Variants in CMTM6 observed in about 807,000 individuals in gnomAD.
CMTM6 encodes CKLF like MARVEL transmembrane domain containing 6.
Under a neutral mutation model 13.6 loss-of-function variants are expected in CMTM6, and 5 were observed. That is an observed-to-expected ratio of 0.37 (90% CI 0.19 to 0.77). CMTM6 has a LOEUF of 0.77. Ranked by LOEUF, CMTM6 falls within the 30% of genes least tolerant of loss-of-function variation. The pLI, the probability that CMTM6 is intolerant of heterozygous loss-of-function variation, is 0.50. For synonymous variants in CMTM6, 99 were observed against 84.5 expected (o/e 1.17, Z -0.94); for missense variants, 196 against 218.6 (o/e 0.90, Z 0.65).
In CMTM6 at chr3:32,483,912, C is replaced by T; in HGVS notation, c.*48G>A. The T allele has an allele frequency of 6.8e-7, 1 of 1,476,116 alleles. No homozygotes were observed. The highest frequency in any genetic ancestry group is 2.4e-5 in the East Asian group (1 of 40,942). 91.4% of individuals were successfully genotyped at this position (1,476,116 alleles called of 1,614,324 possible). A position where few individuals can be genotyped will look rare whatever the true frequency, so the allele number is the denominator to read the frequency against. Reference sequence around the variant, plus strand: ...AAGAGCTTCTGCCAGGGCTCAGGCACCACAATGCAGGGTCACTACCTTAGG... The same window carrying T: ...AAGAGCTTCTGCCAGGGCTCAGGCATCACAATGCAGGGTCACTACCTTAGG... On this transcript the variant is annotated 3_prime_UTR_variant, in exon 4 of 4. Transcript: ENST00000205636.
chr3:32,485,528 T>G (rs185457427), intron 3 of CMTM6, among the ~76,000 whole-genome samples: 35 of 152,284 alleles, frequency 2.3e-4, no homozygotes, highest in Admixed American at 1.5e-3. Flanking sequence ...CTTTTTAAAA[T>G]TAAAAATGAG....
intron 3 of CMTM6, among the ~76,000 whole-genome samples, chr3:32,484,813 G>A (rs1352954776): frequency 6.6e-6 from 1 of 151,570 alleles, no homozygotes; most frequent in African/African-American, 2.4e-5. Context: ...TGTAGGTGAT[G>A]GCTAAAGTCT....
At chr3:32,491,935 A>G (rs1231735712) in intron 1 of CMTM6, 49 bp from the exon 2 acceptor site, 2 of 1,464,154 alleles carry the variant, frequency 1.4e-6, no homozygotes. Context: ...CAGAGAATCT[A>G]CAGTATTTAG....
At position 32,491,761 on chromosome 3, in the gene CMTM6, C is replaced by T. The variant is rs755170049; in HGVS notation, c.264G>A (p.Val88=). The T allele has an allele frequency of 1.1e-5, 18 of 1,611,572 alleles. No individual in the cohort carries two copies. The African/African-American group carries it at 2.3e-4, about 20-fold the overall frequency. ...CTCTCTCATAAAATGGAGTGCAATA[C>T]ACAATCAGTATAAGGAGACTCAGAA... ...AFLLSLLILI[V]YCTPFYERVD... is the part of the protein sequence containing the mutation. Residue 88 remains valine, a synonymous_variant, in exon 2 of 4, where the codon GTG becomes GTA. Coordinates refer to ENST00000205636, the MANE Select transcript of CMTM6 (RefSeq NM_017801.3).
chr3:32,482,167 A>G lies in CMTM6; in HGVS notation c.*1793T>C, dbSNP rs1486613731. ...GACATGCCCAATAAAAACAGCATCC[A>G]TGATTGGTTTCATTATCTCCCAATT... On this transcript the variant is annotated 3_prime_UTR_variant, in exon 4 of 4. Coordinates refer to ENST00000205636, the MANE Select transcript of CMTM6 (RefSeq NM_017801.3). 1 of 152,222 alleles carries G rather than the reference A, an allele frequency of 6.6e-6. No homozygotes were observed. The highest frequency in any genetic ancestry group is 1.9e-4 in the East Asian group (1 of 5,198). 9.4% of individuals were successfully genotyped at this position (152,222 alleles called of 1,614,324 possible). A position where few individuals can be genotyped will look rare whatever the true frequency, so the allele number is the denominator to read the frequency against.
rs377136441 is a variant in CMTM6, at chr3:32,486,068, A to G, written c.414+1870T>C. ...AAGTTTTGTATTTTTAGTAGAGACA[A>G]GCTTTCACTATATTGGCCAAGCTGG... On this transcript the variant is annotated intron_variant, in intron 3 of 3. Coordinates refer to ENST00000205636, the MANE Select transcript of CMTM6 (RefSeq NM_017801.3). Among the ~76,000 whole-genome samples, 53 of 152,212 alleles carry G rather than the reference A, an allele frequency of 3.5e-4. 1 individual carries two copies. The South Asian group carries it at 0.011, about 30-fold the overall frequency.
At chr3:32,486,223 C>A (rs1222159020) in intron 3 of CMTM6, among the ~76,000 whole-genome samples, 1 of 152,198 alleles carries the variant, frequency 6.6e-6, no homozygotes, top group Non-Finnish European at 1.5e-5. Flanking sequence ...TAATTGGAAA[C>A]CAGCTGACTT....
intron 1 of CMTM6, among the ~76,000 whole-genome samples, chr3:32,492,267 A>G (rs1431773352): frequency 6.6e-6 from 1 of 152,212 alleles, no homozygotes; most frequent in African/African-American, 2.4e-5. Flanking sequence ...GCAGAGAAGC[A>G]GTATATAGAA....
At position 32,502,677 on chromosome 3, in the gene CMTM6, G is replaced by A. The variant is rs926656879; in HGVS notation, c.69C>T (p.Ser23=). 2 of 1,588,044 alleles carry A rather than the reference G, an allele frequency of 1.3e-6. No homozygotes were observed. Among genetic ancestry groups the A allele is most frequent in the Non-Finnish European group, 1.7e-6 (2 of 1,169,350 alleles). The change falls in exon 1 of 4, where the codon AGC becomes AGT. Residue 23 remains serine, a synonymous_variant. Coordinates refer to ENST00000205636, the MANE Select transcript of CMTM6 (RefSeq NM_017801.3). ...EDPGPARGPR[S]GLAAYFFMGR... is the part of the protein sequence containing the mutation. ...CCATGAAAAAGTAGGCAGCGAGGCC[G>A]CTCCGGGGGCCTCTGGCGGGGCCCG...
At chr3:32,502,271 G>GC (rs1373136218) in intron 1 of CMTM6, among the ~76,000 whole-genome samples, 1 of 152,236 alleles carries the variant, frequency 6.6e-6, no homozygotes, top group African/African-American at 2.4e-5. Flanking sequence ...ATGCAGGGTA[G>GC]CAGCAGAGAG....
intron 3 of CMTM6, among the ~76,000 whole-genome samples, chr3:32,487,354 AT>A (rs367895873): frequency 0.082 from 12,111 of 147,832 alleles, 546 homozygotes; most frequent in Middle Eastern, 0.14. Context: ...TTTTTCTATT[AT>A]TTTTTTTTTT....
intron 1 of CMTM6, among the ~76,000 whole-genome samples, chr3:32,501,293 A>T (rs1342675510): frequency 1.3e-5 from 2 of 152,218 alleles, no homozygotes; most frequent in African/African-American, 4.8e-5. Flanking sequence ...AATACAGCTA[A>T]TACCTAAAAA....
At chr3:32,492,730 A>C (rs1407839476) in intron 1 of CMTM6, among the ~76,000 whole-genome samples, 1 of 152,250 alleles carries the variant, frequency 6.6e-6, no homozygotes, top group Non-Finnish European at 1.5e-5. Flanking sequence ...ATATCAGACA[A>C]GATGCATACA....
chr3:32,494,753 A>G (rs1014123621), intron 1 of CMTM6, among the ~76,000 whole-genome samples: 1 of 152,174 alleles, frequency 6.6e-6, no homozygotes, highest in African/African-American at 2.4e-5. Context: ...AAAAAATCCA[A>G]TCTCAAAAGG....
At chr3:32,485,967 T>G (rs1432185477) in intron 3 of CMTM6, among the ~76,000 whole-genome samples, 1 of 152,200 alleles carries the variant, frequency 6.6e-6, no homozygotes, top group Non-Finnish European at 1.5e-5. Flanking sequence ...AACCTCCGCC[T>G]CCTCGGTTCA....
At chr3:32,492,553 T>C (rs1251801093) in intron 1 of CMTM6, among the ~76,000 whole-genome samples, 3 of 152,098 alleles carry the variant, frequency 2.0e-5, no homozygotes, top group Non-Finnish European at 4.4e-5. Flanking sequence ...CTGGCTACAA[T>C]ATGGAGAAGG....
chr3:32,495,499 G>C (rs1697282833), intron 1 of CMTM6, among the ~76,000 whole-genome samples: 1 of 152,176 alleles, frequency 6.6e-6, no homozygotes, highest in South Asian at 2.1e-4. Context: ...TCTTGTCCAA[G>C]TTTTAAAAGT....
At position 32,491,678 on chromosome 3, in the gene CMTM6, T is replaced by C. The variant is rs774977520; in HGVS notation, c.315+32A>G. On this transcript the variant is annotated intron_variant, in intron 2 of 3. Transcript: ENST00000205636. ...ATTATGCCAGATTACAAAACAGCTATTAATACAGGGATGATATTTTCTCAT... is the reference window on the plus strand; with the variant it reads ...ATTATGCCAGATTACAAAACAGCTACTAATACAGGGATGATATTTTCTCAT... The C allele has an allele frequency of 5.2e-6, 8 of 1,526,360 alleles. No homozygotes were observed. The East Asian group carries it at 6.8e-5, about 13-fold the overall frequency. 94.6% of individuals were successfully genotyped at this position (1,526,360 alleles called of 1,614,324 possible). A position where few individuals can be genotyped will look rare whatever the true frequency, so the allele number is the denominator to read the frequency against.
At chr3:32,496,513 T>C (rs1290782541) in intron 1 of CMTM6, among the ~76,000 whole-genome samples, 4 of 152,216 alleles carry the variant, frequency 2.6e-5, no homozygotes, top group Non-Finnish European at 5.9e-5. Flanking sequence ...TAGCTCAAAG[T>C]GTACTTGAAC....
Sources: allele counts gnomAD v4.1 joint callset (sites outside exome capture counted in the v4.1 genomes callset), GRCh38; gene constraint gnomAD v4.1.1; transcripts MANE v1.5; gene names NCBI Gene and HGNC (gene_info 2026-07-23, HGNC 2026-07-21).